Variants in LMO7 observed in about 807,000 individuals in gnomAD.
The protein encoded by LMO7 is LIM domain 7, also known as LIM domain only protein 7.
LMO7 carries 120 observed loss-of-function variants against 206.5 expected under a neutral mutation model. The observed-to-expected ratio is 0.58, with a 90% CI of 0.50 to 0.68. The LOEUF (loss-of-function observed/expected upper bound fraction) is 0.68, where lower values mean the gene tolerates loss of function less well. Ranked by LOEUF, LMO7 falls within the 30% of genes least tolerant of loss-of-function variation. The pLI is 0.00. For synonymous variants in LMO7, 706 were observed against 681.5 expected (o/e 1.04, Z -0.56); for missense variants, 1,959 against 1,957.9 (o/e 1.00, Z -0.01).
chr13:75,753,840 A>G (rs1314661482), intron 3 of LMO7, among the ~76,000 whole-genome samples: 1 of 152,212 alleles, frequency 6.6e-6, no homozygotes, highest in Non-Finnish European at 1.5e-5. Context: ...TCTTTATAGC[A>G]GCATGAGAAT....
intron 4 of LMO7, among the ~76,000 whole-genome samples, chr13:75,776,169 A>ATATATATATATATT (rs2050407306): frequency 2.5e-5 from 1 of 39,396 alleles, no homozygotes; most frequent in Non-Finnish European, 4.9e-5. Context: ...TCGGATATAT[A>ATATATATATATATT]TATATATATA....
chr13:75,709,576 T>G (rs2042921303), intron 1 of LMO7, among the ~76,000 whole-genome samples: 1 of 152,218 alleles, frequency 6.6e-6, no homozygotes, highest in African/African-American at 2.4e-5. Context: ...TCATATGTCT[T>G]TTGGCTGCAT....
chr13:75,855,953 C>T (rs921156616), intron 29 of LMO7, among the ~76,000 whole-genome samples: 6 of 152,178 alleles, frequency 3.9e-5, no homozygotes, highest in African/African-American at 1.2e-4. Context: ...CCTGGAGGCC[C>T]GCAGACCACA....
intron 3 of LMO7, among the ~76,000 whole-genome samples, chr13:75,737,323 A>G (rs1001654641): frequency 6.6e-6 from 1 of 152,162 alleles, no homozygotes; most frequent in Admixed American, 6.5e-5. Context: ...TTGGACTTGT[A>G]GCATCCAGAA....
At chr13:75,731,123 G>A (rs2138771851) in intron 3 of LMO7, among the ~76,000 whole-genome samples, 1 of 152,226 alleles carries the variant, frequency 6.6e-6, no homozygotes, top group East Asian at 1.9e-4. Flanking sequence ...GGGGTGGAGA[G>A]TTCCGTAGAT....
chr13:75,835,200 T>A, intron 17 of LMO7, 33 bp from the exon 18 acceptor site: 9 of 1,610,582 alleles, frequency 5.6e-6, no homozygotes, highest in Non-Finnish European at 7.6e-6. Context: ...CATAAAACCC[T>A]CAATCTCACC....
intron 3 of LMO7, among the ~76,000 whole-genome samples, chr13:75,729,085 G>C (rs1326457107): frequency 6.6e-6 from 1 of 151,786 alleles, no homozygotes; most frequent in African/African-American, 2.4e-5. Flanking sequence ...TGTTCTTTTG[G>C]CTTAGGATTG....
intron 1 of LMO7, among the ~76,000 whole-genome samples, chr13:75,707,684 G>A (rs1031663929): frequency 1.3e-5 from 2 of 152,092 alleles, no homozygotes; most frequent in Admixed American, 1.3e-4. Context: ...GGGCATGCCA[G>A]ATTGCCACGT....
intron 11 of LMO7, among the ~76,000 whole-genome samples, chr13:75,816,455 C>A (rs1002373023): frequency 4.6e-5 from 7 of 152,192 alleles, no homozygotes; most frequent in African/African-American, 1.7e-4. Flanking sequence ...TGTGCCTGTG[C>A]CCAACACCCC....
At chr13:75,825,160 A>G (rs2057994679) in intron 15 of LMO7, among the ~76,000 whole-genome samples, 1 of 152,152 alleles carries the variant, frequency 6.6e-6, no homozygotes, top group African/African-American at 2.4e-5. Flanking sequence ...GTTGTAAATT[A>G]TCATTACATT....
chr13:75,804,630 T>A (rs2055201171), intron 8 of LMO7, 89 bp downstream of exon 8: 13 of 1,419,284 alleles, frequency 9.2e-6, no homozygotes, highest in African/African-American at 2.9e-5. Context: ...CTCTTAAATG[T>A]GTTTCATAGA....
At chr13:75,798,837 C>CCCT (rs2054361437) in intron 6 of LMO7, among the ~76,000 whole-genome samples, 1 of 152,098 alleles carries the variant, frequency 6.6e-6, no homozygotes, top group Admixed American at 6.5e-5. Context: ...GGCACCAGGG[C>CCCT]CAAAGGTTAT....
Position 75,807,679 on chromosome 13 carries a change from AG to A in LMO7, c.1397del (p.Arg466LysfsTer29). ...PDLENDDFFV[R>X]KTGAFHANPY... is the part of the protein sequence containing the mutation. ...CTTAGAGAATGATGATTTCTTTGTC[AG>A]AAAGACTGGGGCTTTCCATGCAAAT... is the stretch of plus-strand genomic sequence containing the variant. On this transcript the variant is annotated frameshift_variant, in exon 10 of 31. Transcript: ENST00000377534. LOFTEE classifies it high-confidence loss of function. 6.2e-7 allele frequency: 1 copy of A among 1,614,054 alleles called. No homozygotes were observed. Among genetic ancestry groups the A allele is most frequent in the Non-Finnish European group, 8.5e-7 (1 of 1,179,900 alleles).
chr13:75,781,096 CTTTTTTTTTTTTTTT>C (rs367937964), intron 4 of LMO7, among the ~76,000 whole-genome samples: 1 of 41,924 alleles, frequency 2.4e-5, no homozygotes, highest in Non-Finnish European at 4.1e-5. Context: ...CTCTATTTTC[CTTTTTTTTTTTTTTT>C]TTTTTTTTGC....
At position 75,853,189 on chromosome 13, in the gene LMO7, G is replaced by T. The variant is rs752841420; in HGVS notation, c.4462G>T (p.Val1488Leu). Residue 1488 changes from valine (V) to leucine (L), a missense_variant, in exon 28 of 31, where the codon GTG becomes TTG. Coordinates refer to ENST00000377534, the MANE Select transcript of LMO7 (RefSeq NM_001306080.2). ...CACAGGATTCTATGCTTCTTCCTCT[G>T]TGCAAGACTTTAGTCGCCCACCACC... is the stretch of plus-strand genomic sequence containing the variant. The part of the protein sequence containing the change: ...QPTGFYASSS[V>L]QDFSRPPPQL... 6.2e-7 allele frequency: 1 copy of T among 1,614,096 alleles called. No individual in the cohort carries two copies.
At chr13:75,825,836 A>G (rs1435748010) in intron 15 of LMO7, among the ~76,000 whole-genome samples, 1 of 152,090 alleles carries the variant, frequency 6.6e-6, no homozygotes, top group African/African-American at 2.4e-5. Flanking sequence ...CAGATGTTAT[A>G]ACTCTAGGTG....
chr13:75,826,380 T>A (rs192514448), intron 15 of LMO7, among the ~76,000 whole-genome samples: 1 of 152,270 alleles, frequency 6.6e-6, no homozygotes, highest in African/African-American at 2.4e-5. Flanking sequence ...ACTATGCTAA[T>A]TCAGGCCCTT....
chr13:75,817,301 G>A, intron 12 of LMO7, 23 bp downstream of exon 12: 1 of 1,430,454 alleles, frequency 7.0e-7, no homozygotes, highest in Non-Finnish European at 9.8e-7. Context: ...GGGATTGGAG[G>A]GGAGAGAGTG....
At chr13:75,720,969 A>G (rs982577218) in intron 2 of LMO7, among the ~76,000 whole-genome samples, 6 of 152,206 alleles carry the variant, frequency 3.9e-5, no homozygotes, top group Non-Finnish European at 7.4e-5. Context: ...ACTCATGGAC[A>G]TGTGATTACT....
Sources: allele counts gnomAD v4.1 joint callset (sites outside exome capture counted in the v4.1 genomes callset), GRCh38; gene constraint gnomAD v4.1.1; transcripts MANE v1.5; gene names NCBI Gene and HGNC (gene_info 2026-07-23, HGNC 2026-07-21).